RAD51B: variants seen among roughly 807,000 people sequenced by gnomAD.
The protein encoded by RAD51B is DNA repair protein RAD51 homolog 2.
RAD51B carries 38 observed loss-of-function variants against 42.2 expected under a neutral mutation model. That is an observed-to-expected ratio of 0.90 (90% CI 0.70 to 1.18). The LOEUF (loss-of-function observed/expected upper bound fraction) is 1.18. Ranked by LOEUF, RAD51B falls within the 50% of genes most tolerant of loss-of-function variation. The probability of loss-of-function intolerance (pLI) is 0.00; values close to 1 mark genes in which losing one functional copy is unlikely to be tolerated. For synonymous variants in RAD51B, 154 were observed against 145.2 expected (o/e 1.06, Z -0.43); for missense variants, 373 against 400.7 (o/e 0.93, Z 0.59).
At chr14:68,370,596 A>C (rs1165795573) in intron 8 of RAD51B, among the ~76,000 whole-genome samples, 1 of 152,222 alleles carries the variant, frequency 6.6e-6, no homozygotes, top group African/African-American at 2.4e-5. Context: ...GCCAGGAGAC[A>C]AGTCAGCAAA....
At chr14:67,876,981 C>T (rs940644655) in intron 5 of RAD51B, among the ~76,000 whole-genome samples, 1 of 152,024 alleles carries the variant, frequency 6.6e-6, no homozygotes, top group African/African-American at 2.4e-5. Context: ...CAGCATGGCC[C>T]TTTAGAATGG....
chr14:68,520,336 GCAA>G (rs1481006222), intron 10 of RAD51B, among the ~76,000 whole-genome samples: 1 of 152,154 alleles, frequency 6.6e-6, no homozygotes, highest in Non-Finnish European at 1.5e-5. Context: ...GGGATTATAG[GCAA>G]GTAAATTATG....
intron 3 of RAD51B, among the ~76,000 whole-genome samples, chr14:67,827,675 C>T (rs1469720582): frequency 6.6e-6 from 1 of 152,120 alleles, no homozygotes; most frequent in Admixed American, 6.6e-5. Context: ...TGTTCCCTTC[C>T]GTGTGTCCAT....
chr14:68,195,516 A>G (rs1156811972), intron 7 of RAD51B, among the ~76,000 whole-genome samples: 3 of 152,234 alleles, frequency 2.0e-5, no homozygotes, highest in Non-Finnish European at 4.4e-5. Context: ...CCCAGTACAC[A>G]TACTTGTGTT....
chr14:68,128,631 G>A (rs1297416909), intron 7 of RAD51B, among the ~76,000 whole-genome samples: 2 of 152,180 alleles, frequency 1.3e-5, no homozygotes, highest in Non-Finnish European at 2.9e-5. Flanking sequence ...GGCAGAGGTT[G>A]CAGTGAGCCC....
chr14:68,501,424 A>G (rs1402286756), intron 10 of RAD51B, among the ~76,000 whole-genome samples: 1 of 152,166 alleles, frequency 6.6e-6, no homozygotes, highest in Non-Finnish European at 1.5e-5. Context: ...AACCCCATCC[A>G]CATCATGAGG....
chr14:68,003,561 T>A (rs2075524868), intron 7 of RAD51B, among the ~76,000 whole-genome samples: 1 of 152,184 alleles, frequency 6.6e-6, no homozygotes, highest in Admixed American at 6.5e-5. Context: ...CTACATTGAA[T>A]AGGAAAGGTG....
chr14:67,878,614 A>G (rs2042804997), intron 5 of RAD51B, among the ~76,000 whole-genome samples: 2 of 152,174 alleles, frequency 1.3e-5, no homozygotes, highest in Admixed American at 6.5e-5. Context: ...GATATTTATC[A>G]TATTAGGAAT....
intron 9 of RAD51B, among the ~76,000 whole-genome samples, chr14:68,445,435 C>T (rs939753425): frequency 6.6e-6 from 1 of 152,170 alleles, no homozygotes; most frequent in African/African-American, 2.4e-5. Flanking sequence ...TTGCTAAGTA[C>T]TAAAGTGCTG....
intron 10 of RAD51B, among the ~76,000 whole-genome samples, chr14:68,621,781 A>C: frequency 2.5e-5 from 1 of 40,346 alleles, no homozygotes; most frequent in East Asian, 9.7e-4. Flanking sequence ...GTAGTGGCTT[A>C]GCAAGAATAA....
In RAD51B at chr14:68,580,441, G is replaced by A. The variant is rs570135839; in HGVS notation, c.1037-14044G>A. On this transcript the variant is annotated intron_variant, in intron 10 of 10. Transcript: ENST00000487270. ...TGTGACCTTGGACTACTTAGTGCTC[G>A]GCACCTCTGCTTCCTCATCTGCAAA... Among the ~76,000 whole-genome samples, 6 of 150,152 alleles carry A rather than the reference G, an allele frequency of 4.0e-5. No homozygotes were observed. The South Asian group carries it at 6.2e-4, about 16-fold the overall frequency.
intron 11 of RAD51B, among the ~76,000 whole-genome samples, chr14:68,675,764 A>T (rs1893289666): frequency 6.6e-6 from 1 of 152,208 alleles, no homozygotes; most frequent in African/African-American, 2.4e-5. Flanking sequence ...CAGAGCTCCG[A>T]GAGGGTTAGC....
At chr14:68,516,950 G>A (rs72727498) in intron 10 of RAD51B, among the ~76,000 whole-genome samples, 1 of 152,212 alleles carries the variant, frequency 6.6e-6, no homozygotes, top group Non-Finnish European at 1.5e-5. Flanking sequence ...CTTCTATTTT[G>A]GCAGAAAATA....
intron 10 of RAD51B, among the ~76,000 whole-genome samples, chr14:68,578,239 A>G (rs1396960984): frequency 6.6e-6 from 1 of 152,090 alleles, no homozygotes; most frequent in African/African-American, 2.4e-5. Flanking sequence ...CAACCTGGCT[A>G]ACATGGTGAA....
intron 10 of RAD51B, among the ~76,000 whole-genome samples, chr14:68,474,252 C>T (rs1882365439): frequency 6.6e-6 from 1 of 152,114 alleles, no homozygotes; most frequent in Admixed American, 6.5e-5. Context: ...ACTATATCTT[C>T]CCAAATTGCT....
At chr14:67,822,602 G>A (rs2040670387) in intron 1 of RAD51B, among the ~76,000 whole-genome samples, 1 of 151,774 alleles carries the variant, frequency 6.6e-6, no homozygotes, top group African/African-American at 2.4e-5. Context: ...GCACGCTTGT[G>A]GTCCCAGCTA....
At chr14:68,118,892 A>T (rs912920027) in intron 7 of RAD51B, among the ~76,000 whole-genome samples, 1 of 152,108 alleles carries the variant, frequency 6.6e-6, no homozygotes, top group African/African-American at 2.4e-5. Context: ...TCTTCAAGGG[A>T]AGATTCCTAT....
intron 7 of RAD51B, among the ~76,000 whole-genome samples, chr14:68,105,688 C>G (rs1456087109): frequency 1.3e-5 from 2 of 151,858 alleles, no homozygotes; most frequent in African/African-American, 4.8e-5. Context: ...ATTTCAGACT[C>G]CAAGTTTAAA....
intron 8 of RAD51B, among the ~76,000 whole-genome samples, chr14:68,331,731 C>G (rs1055093900): frequency 6.6e-6 from 1 of 152,164 alleles, no homozygotes; most frequent in Non-Finnish European, 1.5e-5. Flanking sequence ...GGGTTTCCAG[C>G]TTTTAAGTGA....
Sources: gnomAD v4.1 joint callset for allele counts (sites outside exome capture counted in the v4.1 genomes callset) on GRCh38, gnomAD v4.1.1 for gene constraint, MANE v1.5 for transcripts, NCBI Gene and HGNC (gene_info 2026-07-23, HGNC 2026-07-21) for gene names.